Variants in CLTCL1 observed in about 807,000 individuals in gnomAD.
CLTCL1 encodes clathrin heavy chain 2.
A neutral mutation model predicts 190.0 loss-of-function variants in CLTCL1; 159 were observed. The observed-to-expected ratio is 0.84, with a 90% CI of 0.74 to 0.95. The LOEUF is 0.95. Ranked by LOEUF, CLTCL1 falls within the 40% of genes least tolerant of loss-of-function variation. CLTCL1 has a pLI of 0.00. For missense variants in CLTCL1, 1,878 were observed against 2,033.4 expected, an observed-to-expected ratio of 0.92 and a Z score of 1.47; for synonymous variants, 752 against 769.6, an observed-to-expected ratio of 0.98 and a Z score of 0.38.
intron 5 of CLTCL1, 26 bp from the exon 6 acceptor site, chr22:19,235,895 T>G (rs186158333): frequency 2.1e-4 from 332 of 1,599,468 alleles, no homozygotes; most frequent in Non-Finnish European, 2.5e-4. Flanking sequence ...GAGCAAGAGG[T>G]TGGAAAGTAA....
At chr22:19,222,210 C>T (rs2085595446) in intron 15 of CLTCL1, 117 bp from the exon 16 acceptor site, 2 of 980,512 alleles carry the variant, frequency 2.0e-6, no homozygotes, top group Admixed American at 4.5e-5. Context: ...TAGCACTGCG[C>T]TGTGTCCCAC....
intron 29 of CLTCL1, chr22:19,184,576 C>G (rs1555927440): frequency 2.2e-6 from 1 of 455,996 alleles, no homozygotes; most frequent in Non-Finnish European, 4.4e-6. Flanking sequence ...GGTGAGAGCT[C>G]CAGGTGCCTT....
chr22:19,188,096 CA>C lies in CLTCL1; in HGVS notation c.4324-6del. 1 of 1,613,864 alleles carries C rather than the reference CA, an allele frequency of 6.2e-7. No individual in the cohort carries two copies. Among genetic ancestry groups the C allele is most frequent in the Non-Finnish European group, 8.5e-7 (1 of 1,179,756 alleles). The stretch of plus-strand genomic sequence containing the variant: ...CACCAGGGGCAGCTGACCTGCCTGA[CA>C]AGTTGAGGGAACCGTCAAGGCACTT... On this transcript the variant is annotated splice_region_variant and splice_polypyrimidine_tract_variant and intron_variant, in intron 27 of 32. Transcript: ENST00000427926.
chr22:19,254,043 A>T lies in CLTCL1; in HGVS notation c.435T>A (p.His145Gln). Residue 145 changes from histidine to glutamine, a missense_variant, in exon 3 of 33, where the codon CAT becomes CAA. By Grantham distance (24) the His-to-Gln change is conservative (BLOSUM62 0). Transcript: ENST00000427926. ...DSQPMKMFDR[H>Q]TSLVGCQVIH... is the part of the protein sequence containing the mutation. ...TCACCTGGCAGCCCACCAGACTGGTATGTCTATCAAACATCTTCATGGGCT... is the reference window on the plus strand; with the variant it reads ...TCACCTGGCAGCCCACCAGACTGGTTTGTCTATCAAACATCTTCATGGGCT... 6.2e-7 allele frequency: 1 copy of T among 1,612,200 alleles called. No homozygotes were observed. The highest frequency in any genetic ancestry group is 8.5e-7 in the Non-Finnish European group (1 of 1,179,024).
In CLTCL1 at chr22:19,253,980, C is replaced by T. The variant is rs1555971288; in HGVS notation, c.498G>A (p.Leu166=). The change falls in exon 3 of 33, where the codon CTG becomes CTA. Residue 166 remains leucine (L), a synonymous_variant. Transcript: ENST00000427926. ...YRTDEYQKWL[L]LVGISAQQNR... ...TTACCTGAGCCGAGATGCCTACGAG[C>T]AGCAGCCACTTCTGGTACTCATCAG... is the stretch of plus-strand genomic sequence containing the variant. 6.2e-7 allele frequency: 1 copy of T among 1,612,816 alleles called. No individual in the cohort carries two copies. The highest frequency in any genetic ancestry group is 8.5e-7 in the Non-Finnish European group (1 of 1,179,262).
intron 1 of CLTCL1, among the ~76,000 whole-genome samples, chr22:19,278,224 C>T (rs541939752): frequency 1.8e-4 from 27 of 152,060 alleles, no homozygotes; most frequent in Non-Finnish European, 3.7e-4. Context: ...TAGGGCCTGC[C>T]GTCCTCAGCA....
At chr22:19,231,067 T>G (rs1316886084) in intron 10 of CLTCL1, among the ~76,000 whole-genome samples, 1 of 152,174 alleles carries the variant, frequency 6.6e-6, no homozygotes, top group African/African-American at 2.4e-5. Context: ...CTCAGGCCAT[T>G]GGCCTCAGAC....
In CLTCL1 at chr22:19,233,317, A is replaced by T. The variant is rs958886059; in HGVS notation, c.1370T>A (p.Leu457Gln). Residue 457 changes from leucine (L) to glutamine (Q), a missense_variant and splice_region_variant, in exon 9 of 33, where the codon CTG (leucine) becomes CAG (glutamine). Leu to Gln is a moderately radical substitution (Grantham distance 113). Coordinates refer to ENST00000427926, the MANE Select transcript of CLTCL1 (RefSeq NM_007098.4). ...GTCTCCGAGCTCCTCTGAGCACTCC[A>T]GCTGTGGTATGCCAAGGGACAAGGC... ...LLEKWLKEDK[L>Q]ECSEELGDLV... The T allele has an allele frequency of 1.1e-5, 18 of 1,612,126 alleles. No individual in the cohort carries two copies. The highest frequency in any genetic ancestry group is 1.4e-5 in the Non-Finnish European group (17 of 1,178,280).
At chr22:19,204,112 C>T (rs1555941448) in intron 22 of CLTCL1, among the ~76,000 whole-genome samples, 1 of 152,226 alleles carries the variant, frequency 6.6e-6, no homozygotes, top group African/African-American at 2.4e-5. Flanking sequence ...TGTAGCATAG[C>T]AGCCAGAGGG....
intron 26 of CLTCL1, among the ~76,000 whole-genome samples, chr22:19,193,279 G>T (rs16983519): frequency 6.6e-6 from 1 of 152,190 alleles, no homozygotes; most frequent in Non-Finnish European, 1.5e-5. Context: ...CCGGAATGCC[G>T]TTTAAGGTGG....
At chr22:19,191,486 C>T in intron 26 of CLTCL1, 51 bp from the exon 27 acceptor site, 1 of 1,598,386 alleles carries the variant, frequency 6.3e-7, no homozygotes, top group Non-Finnish European at 8.5e-7. Context: ...TCCAGATACC[C>T]CAGGGCTCCT....
Position 19,291,661 on chromosome 22 carries a change from C to A in CLTCL1, c.-20G>T. The A allele has an allele frequency of 7.3e-7, 1 of 1,365,314 alleles. No individual in the cohort carries two copies. Among genetic ancestry groups the A allele is most frequent in the Non-Finnish European group, 9.6e-7 (1 of 1,046,358 alleles). 84.6% of individuals were successfully genotyped at this position (1,365,314 alleles called of 1,614,324 possible). On this transcript the variant is annotated 5_prime_UTR_variant, in exon 1 of 33. Transcript: ENST00000427926. ...CGCCATGGCTGGTGCGGGACCTCGG[C>A]GGCGGCGGCGGCAGCGGCAGGAATG...
At chr22:19,188,944 C>T (rs1018173921) in intron 27 of CLTCL1, among the ~76,000 whole-genome samples, 3 of 151,656 alleles carry the variant, frequency 2.0e-5, no homozygotes, top group South Asian at 2.1e-4. Context: ...TTTTTTGGGG[C>T]GGGAGACGGA....
At chr22:19,249,251 C>T (rs1028459892) in intron 3 of CLTCL1, among the ~76,000 whole-genome samples, 24 of 151,998 alleles carry the variant, frequency 1.6e-4, no homozygotes, top group Admixed American at 4.6e-4. Flanking sequence ...CCCAGCTACT[C>T]GGGAAGCTGA....
chr22:19,249,794 T>G (rs566265751), intron 3 of CLTCL1: 68 of 230,350 alleles, frequency 3.0e-4, no homozygotes, highest in African/African-American at 1.4e-3. Flanking sequence ...TTGGTTTCCC[T>G]TCCCTTTAAT....
chr22:19,193,260 G>A (rs898012053), intron 26 of CLTCL1, among the ~76,000 whole-genome samples: 12 of 152,238 alleles, frequency 7.9e-5, no homozygotes, highest in Non-Finnish European at 1.5e-4. Context: ...ACAGGTCCAT[G>A]CAGCATGGCC....
At chr22:19,209,323 A>G (rs1471774432) in intron 20 of CLTCL1, 1 of 485,230 alleles carries the variant, frequency 2.1e-6, no homozygotes, top group Non-Finnish European at 3.6e-6. Context: ...CGAACAAAGA[A>G]GAGACACTCC....
chr22:19,279,889 C>T (rs375541880), intron 1 of CLTCL1, among the ~76,000 whole-genome samples: 68 of 152,310 alleles, frequency 4.5e-4, no homozygotes, highest in African/African-American at 1.4e-3. Flanking sequence ...GGTAGAAAAG[C>T]ATGAGGTGAG....
chr22:19,252,945 CAGAGCTTGCAGTGA>C (rs1347043592), intron 3 of CLTCL1, among the ~76,000 whole-genome samples: 2 of 143,160 alleles, frequency 1.4e-5, no homozygotes, highest in Non-Finnish European at 3.0e-5. Context: ...ACCCAGGAGG[CAGAGCTTGCAGTGA>C]GCCGAGATCG....
Sources: gnomAD v4.1 joint callset for allele counts (sites outside exome capture counted in the v4.1 genomes callset) on GRCh38, gnomAD v4.1.1 for gene constraint, MANE v1.5 for transcripts, NCBI Gene and HGNC (gene_info 2026-07-23, HGNC 2026-07-21) for gene names.